The following GSDME variants were observed in gnomAD, a reference collection of about 807,000 sequenced individuals.
GSDME encodes gasdermin E, also known as gasdermin-E.
Under a neutral mutation model 47.5 loss-of-function variants are expected in GSDME, and 44 were observed. That is an observed-to-expected ratio of 0.93 (90% CI 0.73 to 1.19). The LOEUF is 1.19. GSDME is among the 50% of genes most tolerant of loss of function. The pLI is 0.00. For synonymous variants in GSDME, 258 were observed against 252.8 expected (o/e 1.02, Z -0.20); for missense variants, 663 against 604.2 (o/e 1.10, Z -1.02).
chr7:24,750,514 G>A (rs914935663), intron 1 of GSDME, among the ~76,000 whole-genome samples: 1 of 152,106 alleles, frequency 6.6e-6, no homozygotes, highest in African/African-American at 2.4e-5. Flanking sequence ...TTGGGAGGCT[G>A]AGGTGGGAGG....
At position 24,744,593 on chromosome 7, in the gene GSDME, A is replaced by G. The variant is rs1376463339; in HGVS notation, c.373T>C (p.Leu125=). The G allele has an allele frequency of 1.2e-5, 19 of 1,614,196 alleles. No homozygotes were observed. Among genetic ancestry groups the G allele is most frequent in the Non-Finnish European group, 1.6e-5 (19 of 1,180,034 alleles). The part of the protein sequence containing the change: ...FGTLRKQEVD[L]QQLIRDSAER... ...GCAGAGTCTCTGATGAGCTGCTGCAAATCCACCTCCTGCTTCCTCAGGGTT... is the reference window on the plus strand; with the variant it reads ...GCAGAGTCTCTGATGAGCTGCTGCAGATCCACCTCCTGCTTCCTCAGGGTT... Residue 125 remains leucine (L), a synonymous_variant, in exon 3 of 10, where the codon TTG becomes CTG. Transcript: ENST00000645220. This position sits in a 1 kb window ranked among gnomAD's most constrained non-coding sequence, Gnocchi z 4.5.
intron 6 of GSDME, 48 bp from the exon 7 acceptor site, chr7:24,708,302 CACG>C: frequency 6.2e-7 from 1 of 1,611,448 alleles, no homozygotes; most frequent in Non-Finnish European, 8.5e-7. Context: ...ATGCACATCT[CACG>C]ACGTCGGACA....
At chr7:24,706,501 A>C (rs1403755201) in intron 7 of GSDME, 125 bp from the exon 8 acceptor site, 1 of 887,430 alleles carries the variant, frequency 1.1e-6, no homozygotes, top group Admixed American at 2.5e-5. Context: ...TACGACCCGC[A>C]GCTCTTCTCT....
rs1190962867 is a variant in GSDME at position 24,739,279 on chromosome 7, G to GA, written c.404+5282dup. ...TAAAAGGGGCTCAAACAACTGTAGG[G>GA]AAAAAAATCTAATAATCCTGTTAAA... On this transcript the variant is annotated intron_variant, in intron 3 of 9. Transcript: ENST00000645220. The surrounding 1 kb of genome is among the most constrained non-coding windows in gnomAD (Gnocchi z 5.1). 1.4e-4 allele frequency among the ~76,000 whole-genome samples: 22 copies of GA among 152,014 alleles called. No homozygotes were observed. The highest frequency in any genetic ancestry group is 1.3e-3 in the Admixed American group (20 of 15,266).
rs1790960794 is a variant in GSDME at position 24,754,658 on chromosome 7, A to G, written c.-20+2738T>C. 6.6e-6 allele frequency among the ~76,000 whole-genome samples: 1 copy of G among 152,220 alleles called. No homozygotes were observed. Among genetic ancestry groups the G allele is most frequent in the African/African-American group, 2.4e-5 (1 of 41,464 alleles). Reference sequence around the variant, plus strand: ...GACACCAAGAAAGCAGGACAATGACACAAAGTTAGCAAAGCACACAGCCAA... The same window carrying G: ...GACACCAAGAAAGCAGGACAATGACGCAAAGTTAGCAAAGCACACAGCCAA... On this transcript the variant is annotated intron_variant, in intron 1 of 9. Transcript: ENST00000645220. This position sits in a 1 kb window ranked among gnomAD's most constrained non-coding sequence, Gnocchi z 5.0.
the GSDME span, among the ~76,000 whole-genome samples, chr7:24,782,303 G>A: frequency 2.7e-5 from 4 of 148,136 alleles, no homozygotes; most frequent in Non-Finnish European, 5.9e-5. Context: ...ACCTATGAGT[G>A]AGAACATGCA....
chr7:24,715,362 G>A (rs1025366628), intron 5 of GSDME: 4 of 439,286 alleles, frequency 9.1e-6, no homozygotes, highest in Admixed American at 4.9e-5. Context: ...CACACATGCA[G>A]AGGGTAACCA....
rs771191032 is a variant in GSDME at position 24,706,316 on chromosome 7, G to T, written c.1051C>A (p.Arg351=). Residue 351 remains arginine, a synonymous_variant, in exon 8 of 10, where the codon CGG becomes AGG. Transcript: ENST00000645220. ...TVAVLGELKP[R]QQQDLVAFLQ... ...AAGGCCACAAGGTCCTGCTGCTGCCGGGGCTTCAGCTCCCCCAGCACCGCC... is the reference window on the plus strand; with the variant it reads ...AAGGCCACAAGGTCCTGCTGCTGCCTGGGCTTCAGCTCCCCCAGCACCGCC... The T allele has an allele frequency of 1.2e-6, 2 of 1,613,576 alleles. No homozygotes were observed. Among genetic ancestry groups the T allele is most frequent in the African/African-American group, 2.7e-5 (2 of 74,920 alleles).
chr7:24,780,036 C>A, the GSDME span, among the ~76,000 whole-genome samples: 5 of 152,246 alleles, frequency 3.3e-5, no homozygotes, highest in Non-Finnish European at 7.3e-5. The surrounding 1 kb of genome is among the most constrained non-coding windows in gnomAD (Gnocchi z 4.1). Context: ...CTGCTTCAAG[C>A]ACAAGGCTGC....
intron 3 of GSDME, among the ~76,000 whole-genome samples, chr7:24,727,783 C>T (rs922316135): frequency 6.6e-6 from 1 of 152,224 alleles, no homozygotes; most frequent in Admixed American, 6.5e-5. Flanking sequence ...AACACACACA[C>T]CATTGCCTCC....
intron 8 of GSDME, 58 bp downstream of exon 8, chr7:24,706,126 G>T (rs570676804): frequency 1.3e-6 from 2 of 1,594,400 alleles, no homozygotes; most frequent in South Asian, 1.1e-5. Context: ...AGCATAGATA[G>T]TAGGCAAAGC....
At chr7:24,709,182 C>T (rs1420265594) in intron 6 of GSDME, among the ~76,000 whole-genome samples, 2 of 152,190 alleles carry the variant, frequency 1.3e-5, no homozygotes, top group Admixed American at 6.5e-5. Context: ...CTGTCCTGGT[C>T]GGTCCAGTCG....
the GSDME span, among the ~76,000 whole-genome samples, chr7:24,783,203 T>A: frequency 6.6e-6 from 1 of 152,134 alleles, no homozygotes; most frequent in East Asian, 1.9e-4. Flanking sequence ...CATGCATGGG[T>A]CTTGAGATTC....
At chr7:24,774,850 A>G in the GSDME span, among the ~76,000 whole-genome samples, 7 of 152,112 alleles carry the variant, frequency 4.6e-5, no homozygotes, top group Non-Finnish European at 1.0e-4. Context: ...TCCTTTCTTT[A>G]GAGCTGATGC....
upstream of GSDME, among the ~76,000 whole-genome samples, chr7:24,759,445 G>A (rs2128070226): frequency 1.3e-5 from 2 of 152,108 alleles, no homozygotes; most frequent in South Asian, 4.2e-4. Flanking sequence ...GAGGAAGATA[G>A]TAATAATATC....
At chr7:24,764,830 T>C in the GSDME span, among the ~76,000 whole-genome samples, 1 of 152,240 alleles carries the variant, frequency 6.6e-6, no homozygotes, top group African/African-American at 2.4e-5. This position sits in a 1 kb window ranked among gnomAD's most constrained non-coding sequence, Gnocchi z 4.4. Flanking sequence ...AAATGGTAGC[T>C]ATGATTATTA....
chr7:24,699,045 A>G lies in GSDME; in HGVS notation c.1472T>C (p.Leu491Ser). 2 of 1,612,010 alleles carry G rather than the reference A, an allele frequency of 1.2e-6. No individual in the cohort carries two copies. Among genetic ancestry groups the G allele is most frequent in the Admixed American group, 1.7e-5 (1 of 60,024 alleles). ...LCITLNGLCA[L>S]GREHS ...ATGACATCATGAATGTTCTCTGCCT[A>G]AAGCACAGAGTCCATTCAGGGTTAT... The change falls in exon 10 of 10, where the codon TTA becomes TCA. Residue 491 changes from leucine (L) to serine (S), a missense_variant. Physicochemically the swap from Leu to Ser is moderately radical, Grantham distance 145. Transcript: ENST00000645220.
chr7:24,700,300 C>A (rs941397596), intron 9 of GSDME, among the ~76,000 whole-genome samples: 2 of 152,164 alleles, frequency 1.3e-5, no homozygotes, highest in African/African-American at 2.4e-5. Flanking sequence ...CACTGCTCAA[C>A]ACATACTTGA....
chr7:24,704,483 C>T lies in GSDME; in HGVS notation c.1184-1650G>A, dbSNP rs910603924. 11 of 152,232 alleles carry T rather than the reference C, an allele frequency of 7.2e-5. No homozygotes were observed. In the East Asian group the frequency reaches 9.6e-4, roughly 13 times the overall value. The allele number at this position is 152,232 out of a possible 1,614,324, so 9.4% of individuals were successfully genotyped here. On this transcript the variant is annotated intron_variant, in intron 8 of 9. Coordinates refer to ENST00000645220, the MANE Select transcript of GSDME (RefSeq NM_001127453.2). ...AGGAAAAAAAATGAACTCAGAAGGG[C>T]GGAGGATTAGCAAGAGCACAAATGG...
Sources: allele counts gnomAD v4.1 joint callset (sites outside exome capture counted in the v4.1 genomes callset), GRCh38; gene constraint gnomAD v4.1.1; non-coding constraint Gnocchi (gnomAD v3.1); transcripts MANE v1.5; gene names NCBI Gene and HGNC (gene_info 2026-07-23, HGNC 2026-07-21).